GALNT1: variants seen among roughly 807,000 people sequenced by gnomAD.
GALNT1 encodes the protein GalNAc transferase 1.
In GALNT1, 17 loss-of-function variants were observed where a neutral mutation model predicts 65.7. That is an observed-to-expected ratio of 0.26 (90% confidence interval 0.18 to 0.39). GALNT1 has a LOEUF of 0.39. GALNT1 is among the 10% of genes least tolerant of loss of function. The probability of loss-of-function intolerance (pLI) is 1.00; values close to 1 mark genes in which losing one functional copy is unlikely to be tolerated. For synonymous variants in GALNT1, 210 were observed against 219.7 expected, an observed-to-expected ratio of 0.96 and a Z score of 0.39; for missense variants, 460 against 672.8, an observed-to-expected ratio of 0.68 and a Z score of 3.50.
rs527314967 is a variant in GALNT1, at chr18:35,623,481, C to T, written c.-103-31079C>T. 1.2e-4 allele frequency among the ~76,000 whole-genome samples: 18 copies of T among 152,206 alleles called. No homozygotes were observed. In the East Asian group the frequency reaches 3.5e-3, roughly 29 times the overall value. ...GTTCTTCCCCAAATGTGGCCATTTT[C>T]AGGGGTTTTTTTCATGTTTTGTTTT... On this transcript the variant is annotated intron_variant, in intron 1 of 11. Coordinates refer to ENST00000269195, the MANE Select transcript of GALNT1 (RefSeq NM_020474.4).
At chr18:35,626,241 C>T (rs975173751) in intron 1 of GALNT1, among the ~76,000 whole-genome samples, 1 of 152,104 alleles carries the variant, frequency 6.6e-6, no homozygotes, top group African/African-American at 2.4e-5. Flanking sequence ...ATTGCAAGCT[C>T]GTTGAGGATA....
intron 9 of GALNT1, among the ~76,000 whole-genome samples, chr18:35,696,820 TCAAATCTAAC>T (rs1222601576): frequency 6.6e-6 from 1 of 152,224 alleles, no homozygotes; most frequent in Non-Finnish European, 1.5e-5. Context: ...GTATTCTTTC[TCAAATCTAAC>T]CAGTATTTCC....
chr18:35,668,887 T>C (rs771083654), intron 3 of GALNT1, among the ~76,000 whole-genome samples: 3 of 152,104 alleles, frequency 2.0e-5, no homozygotes, highest in Non-Finnish European at 4.4e-5. Context: ...CTTAGTAAAA[T>C]TGACATCAGA....
chr18:35,627,256 G>C (rs947549228), intron 1 of GALNT1, among the ~76,000 whole-genome samples: 8 of 152,160 alleles, frequency 5.3e-5, no homozygotes, highest in African/African-American at 1.7e-4. Flanking sequence ...GACATTAACG[G>C]AACACATTTT....
chr18:35,675,346 T>C (rs1184694036), intron 3 of GALNT1, among the ~76,000 whole-genome samples: 1 of 151,994 alleles, frequency 6.6e-6, no homozygotes, highest in African/African-American at 2.4e-5. Context: ...TGAGAGAATA[T>C]TAATTTATGA....
intron 1 of GALNT1, among the ~76,000 whole-genome samples, chr18:35,636,808 T>C (rs866525887): frequency 6.2e-4 from 84 of 134,724 alleles, no homozygotes; most frequent in African/African-American, 1.8e-3. Flanking sequence ...TTTTTTTTTT[T>C]CAACAAATGG....
intron 1 of GALNT1, among the ~76,000 whole-genome samples, chr18:35,626,876 A>G (rs907862496): frequency 9.2e-5 from 14 of 152,188 alleles, no homozygotes; most frequent in South Asian, 4.1e-4. Context: ...CAACATCTCT[A>G]TGAGGGATAT....
At chr18:35,695,169 G>A (rs1385474766) in intron 9 of GALNT1, among the ~76,000 whole-genome samples, 1 of 150,292 alleles carries the variant, frequency 6.7e-6, no homozygotes, top group African/African-American at 2.4e-5. Flanking sequence ...TATGTTATGT[G>A]TTTCTGCACC....
chr18:35,582,738 A>G (rs753621772), intron 1 of GALNT1, among the ~76,000 whole-genome samples: 1 of 152,218 alleles, frequency 6.6e-6, no homozygotes, highest in Non-Finnish European at 1.5e-5. Context: ...TTGTCATTTC[A>G]CAGATGAAAT....
rs2048339472 is a variant in GALNT1, at chr18:35,710,704, C to T, written c.*934C>T. ...TCTTATCACATTTTCGACTTCTTCA[C>T]TTGACCTAACTGATTATGCGAAATA... On this transcript the variant is annotated 3_prime_UTR_variant, in exon 12 of 12. Coordinates refer to ENST00000269195, the MANE Select transcript of GALNT1 (RefSeq NM_020474.4). 6.6e-6 allele frequency: 1 copy of T among 152,502 alleles called. No individual in the cohort carries two copies. Among genetic ancestry groups the T allele is most frequent in the Non-Finnish European group, 1.5e-5 (1 of 68,042 alleles). 9.4% of individuals were successfully genotyped at this position (152,502 alleles called of 1,614,324 possible).
At chr18:35,667,318 A>G (rs1042888813) in intron 3 of GALNT1, among the ~76,000 whole-genome samples, 11 of 152,320 alleles carry the variant, frequency 7.2e-5, no homozygotes, top group Middle Eastern at 3.4e-3. Context: ...GTGCAGCCCT[A>G]TGTCGACACC....
At chr18:35,630,522 C>T (rs2046991663) in intron 1 of GALNT1, among the ~76,000 whole-genome samples, 2 of 152,150 alleles carry the variant, frequency 1.3e-5, no homozygotes, top group Non-Finnish European at 2.9e-5. Context: ...AAAGACACAA[C>T]ATACCAGAAT....
intron 1 of GALNT1, among the ~76,000 whole-genome samples, chr18:35,645,679 C>T (rs1446584700): frequency 6.6e-6 from 1 of 152,204 alleles, no homozygotes; most frequent in Non-Finnish European, 1.5e-5. Context: ...ATGTAGAAAT[C>T]ATACCATCTG....
intron 1 of GALNT1, among the ~76,000 whole-genome samples, chr18:35,598,558 G>A (rs1188965668): frequency 4.6e-5 from 7 of 152,146 alleles, no homozygotes; most frequent in Admixed American, 3.9e-4. Flanking sequence ...GAAAATGATA[G>A]GATTTCATTT....
intron 1 of GALNT1, among the ~76,000 whole-genome samples, chr18:35,589,208 T>C (rs2046414808): frequency 6.6e-6 from 1 of 152,076 alleles, no homozygotes. Flanking sequence ...GTCCAGGATA[T>C]CCGGGGGAGA....
intron 1 of GALNT1, among the ~76,000 whole-genome samples, chr18:35,607,426 C>T (rs2046664326): frequency 6.6e-6 from 1 of 151,956 alleles, no homozygotes; most frequent in African/African-American, 2.4e-5. Flanking sequence ...TTGTTTCTGC[C>T]CTGTTTGGCT....
At chr18:35,630,511 C>G (rs959878450) in intron 1 of GALNT1, among the ~76,000 whole-genome samples, 2 of 152,134 alleles carry the variant, frequency 1.3e-5, no homozygotes, top group South Asian at 4.1e-4. Context: ...CCAGCAAGAA[C>G]AAAGACACAA....
chr18:35,653,356 A>G (rs1012198733), intron 1 of GALNT1, among the ~76,000 whole-genome samples: 2 of 152,246 alleles, frequency 1.3e-5, no homozygotes, highest in Non-Finnish European at 2.9e-5. Context: ...ACTGCTGTAT[A>G]TATTTCATGG....
chr18:35,644,170 C>T (rs2047200705), intron 1 of GALNT1, among the ~76,000 whole-genome samples: 1 of 152,188 alleles, frequency 6.6e-6, no homozygotes, highest in Non-Finnish European at 1.5e-5. Context: ...GAAATAACTA[C>T]AGAAAGAGAA....
Sources: allele counts gnomAD v4.1 joint callset (sites outside exome capture counted in the v4.1 genomes callset), GRCh38; gene constraint gnomAD v4.1.1; transcripts MANE v1.5; gene names NCBI Gene and HGNC (gene_info 2026-07-23, HGNC 2026-07-21).